Variants in PLXDC2 observed in about 807,000 individuals in gnomAD.
The protein encoded by PLXDC2 is plexin domain containing 2, also known as plexin domain-containing protein 2.
Under a neutral mutation model 68.9 loss-of-function variants are expected in PLXDC2, and 40 were observed. The observed-to-expected ratio is 0.58, with a 90% CI of 0.45 to 0.76. The LOEUF is 0.76. Among genes scored for constraint, PLXDC2 ranks in the 30% least tolerant of loss-of-function variants. The pLI is 0.00. For missense variants in PLXDC2, 644 were observed against 661.9 expected (o/e 0.97, Z 0.30); for synonymous variants, 243 against 234.2 (o/e 1.04, Z -0.34).
intron 12 of PLXDC2, among the ~76,000 whole-genome samples, chr10:20,236,695 C>T (rs1487794530): frequency 6.6e-6 from 1 of 151,766 alleles, no homozygotes; most frequent in Non-Finnish European, 1.5e-5. Flanking sequence ...TACCATAAAC[C>T]TTCTCTTTTT....
chr10:20,134,191 T>G (rs1013823470), intron 4 of PLXDC2, among the ~76,000 whole-genome samples: 2 of 152,208 alleles, frequency 1.3e-5, no homozygotes, highest in African/African-American at 2.4e-5. Flanking sequence ...TTCAATTCTT[T>G]GTCAGGCAGT....
At chr10:20,242,957 C>T (rs552772337) in intron 12 of PLXDC2, among the ~76,000 whole-genome samples, 1 of 152,356 alleles carries the variant, frequency 6.6e-6, no homozygotes, top group Admixed American at 6.5e-5. Context: ...GGTGATCCAC[C>T]TGCCTTGGCC....
intron 1 of PLXDC2, among the ~76,000 whole-genome samples, chr10:19,955,743 A>T (rs968984681): frequency 6.6e-6 from 1 of 152,168 alleles, no homozygotes; most frequent in African/African-American, 2.4e-5. Context: ...ACTGGAAAGA[A>T]GCTCTCCTCC....
intron 4 of PLXDC2, among the ~76,000 whole-genome samples, chr10:20,072,322 A>C (rs1429705588): frequency 6.6e-6 from 1 of 151,694 alleles, no homozygotes; most frequent in African/African-American, 2.4e-5. Context: ...GGCAGCCAAG[A>C]TAGCACCATT....
intron 3 of PLXDC2, among the ~76,000 whole-genome samples, chr10:20,066,811 A>G (rs1836219510): frequency 6.6e-6 from 1 of 152,220 alleles, no homozygotes; most frequent in South Asian, 2.1e-4. Context: ...AATTCAATCT[A>G]GATATACTTT....
intron 12 of PLXDC2, among the ~76,000 whole-genome samples, chr10:20,232,397 C>T (rs548334656): frequency 6.6e-6 from 1 of 152,078 alleles, no homozygotes; most frequent in Non-Finnish European, 1.5e-5. Context: ...CACACACACA[C>T]ACGCACACAC....
intron 1 of PLXDC2, among the ~76,000 whole-genome samples, chr10:20,001,032 C>T (rs1834927306): frequency 1.3e-5 from 2 of 152,168 alleles, no homozygotes; most frequent in Non-Finnish European, 2.9e-5. Context: ...AAGGCCAGTC[C>T]CTGCAGATGA....
Position 19,959,616 on chromosome 10 carries a change from C to G in PLXDC2, c.113-42159C>G, listed in dbSNP as rs573073356. Among the ~76,000 whole-genome samples the G allele has an allele frequency of 2.6e-3, 401 of 152,266 alleles. 1 individual carries two copies. The highest frequency in any genetic ancestry group is 2.9e-3 in the Non-Finnish European group (200 of 68,030). ...AAATTAAATTTAGAAATATTCGTAT[C>G]TGAGATATATCACAGTGTAGAGTAA... On this transcript the variant is annotated intron_variant, in intron 1 of 13. Transcript: ENST00000377252.
rs3043811 is a variant in PLXDC2, at chr10:19,910,168, T to TTATATA, written c.113-91585_113-91580dup. ...ACAGTGACTAGTAAATTGTACACTT[T>TTATATA]TATATATATATATATATATATATAT... On this transcript the variant is annotated intron_variant, in intron 1 of 13. Coordinates refer to ENST00000377252, the MANE Select transcript of PLXDC2 (RefSeq NM_032812.9). Among the ~76,000 whole-genome samples the TTATATA allele has an allele frequency of 2.0e-3, 288 of 145,248 alleles. 1 individual carries two copies. Among genetic ancestry groups the TTATATA allele is most frequent in the Admixed American group, 5.1e-3 (73 of 14,306 alleles).
At position 20,052,399 on chromosome 10, in the gene PLXDC2, T is replaced by C. The variant is rs560322953; in HGVS notation, c.471+5384T>C. 4.6e-5 allele frequency among the ~76,000 whole-genome samples: 7 copies of C among 152,070 alleles called. No homozygotes were observed. The South Asian group carries it at 1.5e-3, about 32-fold the overall frequency. On this transcript the variant is annotated intron_variant, in intron 3 of 13. Transcript: ENST00000377252. ...AATAAAATCAAGTAGTTACAAAAGA[T>C]TACAAAATTTTAATATTAAGGTAAT...
intron 10 of PLXDC2, among the ~76,000 whole-genome samples, chr10:20,213,224 T>C (rs925538004): frequency 6.6e-6 from 1 of 152,100 alleles, no homozygotes; most frequent in Non-Finnish European, 1.5e-5. Flanking sequence ...TTGGAATTGG[T>C]TTTTATGTAT....
chr10:19,841,940 G>T (rs1836917835), intron 1 of PLXDC2, among the ~76,000 whole-genome samples: 1 of 152,018 alleles, frequency 6.6e-6, no homozygotes, highest in Admixed American at 6.6e-5. Flanking sequence ...GAAATGAAAA[G>T]AAACAAACAC....
intron 1 of PLXDC2, among the ~76,000 whole-genome samples, chr10:19,826,080 T>A (rs970016993): frequency 1.3e-5 from 2 of 152,182 alleles, no homozygotes; most frequent in African/African-American, 4.8e-5. Flanking sequence ...ATATATGAAA[T>A]AATTTTTGGC....
chr10:19,890,676 CTT>C (rs56921191), intron 1 of PLXDC2, among the ~76,000 whole-genome samples: 36,458 of 60,862 alleles, frequency 0.6, 10,844 homozygotes, highest in Non-Finnish European at 0.64. Context: ...CGCCCGGCTG[CTT>C]TTTTTTTTTT....
Position 20,285,831 on chromosome 10 carries a change from G to A in PLXDC2, c.*6012G>A, listed in dbSNP as rs1836146496. On this transcript the variant is annotated 3_prime_UTR_variant, in exon 14 of 14. Coordinates refer to ENST00000377252, the MANE Select transcript of PLXDC2 (RefSeq NM_032812.9). ...GACCATCCCAGACATAAGACAATCA[G>A]GGAAATCAGAAAACTCCAGCCTCAA... is the stretch of plus-strand genomic sequence containing the variant. 6.6e-6 allele frequency: 1 copy of A among 152,098 alleles called. No homozygotes were observed. The highest frequency in any genetic ancestry group is 2.4e-5 in the African/African-American group (1 of 41,428). The allele number at this position is 152,098 out of a possible 1,614,324, so 9.4% of individuals were successfully genotyped here.
chr10:19,873,034 A>T (rs1324543058), intron 1 of PLXDC2, among the ~76,000 whole-genome samples: 1 of 152,174 alleles, frequency 6.6e-6, no homozygotes, highest in African/African-American at 2.4e-5. Flanking sequence ...TTTGACAGGA[A>T]ATCTCCTAAT....
chr10:20,258,139 A>G (rs899073689), intron 13 of PLXDC2, among the ~76,000 whole-genome samples: 4 of 151,466 alleles, frequency 2.6e-5, no homozygotes, highest in African/African-American at 7.3e-5. Flanking sequence ...GTAGCTGGGA[A>G]TACAGGCCTC....
intron 4 of PLXDC2, among the ~76,000 whole-genome samples, chr10:20,131,963 T>C (rs1833873545): frequency 6.6e-6 from 1 of 152,148 alleles, no homozygotes; most frequent in South Asian, 2.1e-4. Context: ...CTTTCTTTTT[T>C]CTTCATGTAG....
chr10:19,835,324 G>C (rs1238668750), intron 1 of PLXDC2, among the ~76,000 whole-genome samples: 1 of 152,160 alleles, frequency 6.6e-6, no homozygotes, highest in Admixed American at 6.6e-5. Context: ...TCTAGAGATA[G>C]ACCAAATTCA....
Sources: allele counts gnomAD v4.1 joint callset (sites outside exome capture counted in the v4.1 genomes callset), GRCh38; gene constraint gnomAD v4.1.1; transcripts MANE v1.5; gene names NCBI Gene and HGNC (gene_info 2026-07-23, HGNC 2026-07-21).